PTAR1: variants seen among roughly 807,000 people sequenced by gnomAD.
PTAR1 encodes the protein protein prenyltransferase alpha subunit repeat containing 1.
PTAR1 carries 17 observed loss-of-function variants against 45.5 expected under a neutral mutation model. The observed-to-expected ratio is 0.37, with a 90% CI of 0.26 to 0.56. The LOEUF (loss-of-function observed/expected upper bound fraction) is 0.56. PTAR1 is among the 20% of genes least tolerant of loss of function. The probability of loss-of-function intolerance (pLI) is 0.77; values close to 1 mark genes in which losing one functional copy is unlikely to be tolerated. For synonymous variants in PTAR1, 169 were observed against 171.3 expected, an observed-to-expected ratio of 0.99 and a Z score of 0.11; for missense variants, 391 against 476.3, an observed-to-expected ratio of 0.82 and a Z score of 1.67.
chr9:69,740,654 GAAAAA>G (rs11298970), intron 3 of PTAR1, among the ~76,000 whole-genome samples: 7 of 143,114 alleles, frequency 4.9e-5, no homozygotes, highest in Non-Finnish European at 9.1e-5. Flanking sequence ...AAACAAAGGG[GAAAAA>G]AAAAAAAAAA....
At chr9:69,741,548 A>G in intron 3 of PTAR1, 1 of 453,884 alleles carries the variant, frequency 2.2e-6, no homozygotes, top group Admixed American at 3.5e-5. Context: ...AAATAAAAGC[A>G]TGTATCAAAC....
At chr9:69,745,610 A>T (rs1826240908) in intron 2 of PTAR1, among the ~76,000 whole-genome samples, 1 of 152,232 alleles carries the variant, frequency 6.6e-6, no homozygotes, top group Non-Finnish European at 1.5e-5. Context: ...AGGAAGACTT[A>T]TCAAAGTAAC....
At position 69,711,048 on chromosome 9, in the gene PTAR1, A is replaced by C. The variant is rs1315275581; in HGVS notation, c.*7294T>G. The C allele has an allele frequency of 6.6e-6, 1 of 152,166 alleles. No homozygotes were observed. Among genetic ancestry groups the C allele is most frequent in the Non-Finnish European group, 1.5e-5 (1 of 68,010 alleles). 9.4% of individuals were successfully genotyped at this position (152,166 alleles called of 1,614,324 possible). A position where few individuals can be genotyped will look rare whatever the true frequency, so the allele number is the denominator to read the frequency against. On this transcript the variant is annotated 3_prime_UTR_variant, in exon 8 of 8. Transcript: ENST00000340434. ...TCGAGTCAAAAAAAAATTAGACGCTATTAAAATCATAACTGGCCTTTTTTT... is the reference window on the plus strand; with the variant it reads ...TCGAGTCAAAAAAAAATTAGACGCTCTTAAAATCATAACTGGCCTTTTTTT...
At position 69,713,312 on chromosome 9, in the gene PTAR1, T is replaced by C. The variant is rs1824597862; in HGVS notation, c.*5030A>G. The C allele has an allele frequency of 6.6e-6, 1 of 152,156 alleles. No homozygotes were observed. The highest frequency in any genetic ancestry group is 6.6e-5 in the Admixed American group (1 of 15,250). The allele number at this position is 152,156 out of a possible 1,614,324, so 9.4% of individuals were successfully genotyped here. ...CACCTGAGATCCACAACTGATTCAT[T>C]GGTTTTCTGTCTTCACCATGAACAT... On this transcript the variant is annotated 3_prime_UTR_variant, in exon 8 of 8. Transcript: ENST00000340434.
intron 6 of PTAR1, among the ~76,000 whole-genome samples, chr9:69,722,076 GC>G (rs1417450376): frequency 6.6e-6 from 1 of 152,152 alleles, no homozygotes; most frequent in Non-Finnish European, 1.5e-5. Flanking sequence ...TAATGAAGGT[GC>G]CAAAGAGGGG....
Position 69,715,555 on chromosome 9 carries a change from C to T in PTAR1, c.*2787G>A, listed in dbSNP as rs1298156984. 1 of 152,076 alleles carries T rather than the reference C, an allele frequency of 6.6e-6. No homozygotes were observed. Among genetic ancestry groups the T allele is most frequent in the Non-Finnish European group, 1.5e-5 (1 of 67,994 alleles). The allele number at this position is 152,076 out of a possible 1,614,324, so 9.4% of individuals were successfully genotyped here. On this transcript the variant is annotated 3_prime_UTR_variant, in exon 8 of 8. Coordinates refer to ENST00000340434, the MANE Select transcript of PTAR1 (RefSeq NM_001099666.2). The stretch of plus-strand genomic sequence containing the variant: ...TTTGCTTGTCAGTAGTATTCTTAAT[C>T]CACAGTAGGATGACCCACTGTTCTT...
At position 69,749,968 on chromosome 9, in the gene PTAR1, T is replaced by C. The variant is rs1265560528; in HGVS notation, c.256+813A>G. ...ATTCAAAATCAGCCTCCAGGCATAT[T>C]GAGCGCTTTTGAAGGTACTGCCGTA... On this transcript the variant is annotated intron_variant, in intron 2 of 7. Transcript: ENST00000340434. 2.0e-5 allele frequency among the ~76,000 whole-genome samples: 3 copies of C among 151,922 alleles called. No individual in the cohort carries two copies. In the East Asian group the frequency reaches 5.8e-4, roughly 29 times the overall value.
intron 5 of PTAR1, among the ~76,000 whole-genome samples, chr9:69,729,366 C>G (rs998730602): frequency 6.6e-6 from 1 of 152,094 alleles, no homozygotes; most frequent in Non-Finnish European, 1.5e-5. Flanking sequence ...CTAATATAAC[C>G]TATTGTGAAT....
chr9:69,759,006 A>ATCTCTCTC (rs56932168), intron 1 of PTAR1, among the ~76,000 whole-genome samples: 2,153 of 151,388 alleles, frequency 0.014, 51 homozygotes, highest in African/African-American at 0.049. Flanking sequence ...TATAATGTAG[A>ATCTCTCTC]TCTCTCTCTC....
intron 2 of PTAR1, among the ~76,000 whole-genome samples, chr9:69,742,130 T>C (rs1335296880): frequency 1.3e-5 from 2 of 152,152 alleles, no homozygotes; most frequent in Non-Finnish European, 2.9e-5. Context: ...CCTCTTCCTT[T>C]TGGGTGCTTT....
chr9:69,722,183 A>G (rs1044513913), intron 6 of PTAR1, among the ~76,000 whole-genome samples: 1 of 152,238 alleles, frequency 6.6e-6, no homozygotes, highest in African/African-American at 2.4e-5. Flanking sequence ...TGGAGAAAGA[A>G]AGAAAATCTC....
At chr9:69,753,439 T>C (rs566426185) in intron 1 of PTAR1, among the ~76,000 whole-genome samples, 1 of 152,294 alleles carries the variant, frequency 6.6e-6, no homozygotes, top group East Asian at 1.9e-4. Context: ...GAACATTATC[T>C]CTGATTTTCT....
chr9:69,755,923 C>A (rs908449825), intron 1 of PTAR1, among the ~76,000 whole-genome samples: 1 of 152,054 alleles, frequency 6.6e-6, no homozygotes, highest in South Asian at 2.1e-4. Context: ...TTATTCTGCA[C>A]AATAATCTCA....
chr9:69,751,390 G>A (rs1020325850), intron 1 of PTAR1, among the ~76,000 whole-genome samples: 5 of 151,266 alleles, frequency 3.3e-5, no homozygotes, highest in Admixed American at 3.3e-4. Context: ...AAAACAATGA[G>A]GTAGATCTGC....
chr9:69,720,454 T>C (rs1824943791), intron 6 of PTAR1, among the ~76,000 whole-genome samples: 1 of 151,994 alleles, frequency 6.6e-6, no homozygotes, highest in African/African-American at 2.4e-5. Context: ...GATCATGAGG[T>C]TTAAGGAAAG....
chr9:69,738,884 T>C (rs1373926534), intron 3 of PTAR1, among the ~76,000 whole-genome samples: 1 of 151,038 alleles, frequency 6.6e-6, no homozygotes, highest in African/African-American at 2.4e-5. Context: ...CTTGGCTCAC[T>C]GCAACCTCCG....
intron 3 of PTAR1, among the ~76,000 whole-genome samples, chr9:69,736,778 T>C (rs572388984): frequency 2.6e-5 from 4 of 152,026 alleles, no homozygotes; most frequent in Non-Finnish European, 5.9e-5. Context: ...ACCACTGCGG[T>C]ACAGAATTTT....
At chr9:69,733,892 T>C (rs978983518) in intron 4 of PTAR1, among the ~76,000 whole-genome samples, 3 of 152,150 alleles carry the variant, frequency 2.0e-5, no homozygotes, top group Non-Finnish European at 2.9e-5. Context: ...TCACGTAAAC[T>C]TGACTGTTAA....
chr9:69,726,997 G>T (rs1399682924), intron 5 of PTAR1, among the ~76,000 whole-genome samples: 1 of 143,760 alleles, frequency 7.0e-6, no homozygotes, highest in African/African-American at 2.6e-5. Flanking sequence ...TATTGAAGAA[G>T]TATAAATGAC....
Sources: allele counts gnomAD v4.1 joint callset (sites outside exome capture counted in the v4.1 genomes callset), GRCh38; gene constraint gnomAD v4.1.1; transcripts MANE v1.5; gene names NCBI Gene and HGNC (gene_info 2026-07-23, HGNC 2026-07-21).